The following TTYH1 variants were observed in gnomAD, a reference collection of about 807,000 sequenced individuals.
The protein encoded by TTYH1 is tweety family member 1, also known as protein tweety homolog 1.
Under a neutral mutation model 61.2 loss-of-function variants are expected in TTYH1, and 33 were observed. The ratio of observed to expected loss-of-function variants is 0.54; its 90% CI spans 0.41 to 0.72. The LOEUF (loss-of-function observed/expected upper bound fraction) is 0.72. Among genes scored for constraint, TTYH1 ranks in the 30% least tolerant of loss-of-function variants. The pLI is 0.00. For missense variants in TTYH1, 538 were observed against 575.8 expected, an observed-to-expected ratio of 0.93 and a Z score of 0.67; for synonymous variants, 308 against 266.4, an observed-to-expected ratio of 1.16 and a Z score of -1.52.
chr19:54,415,816 G>T lies in TTYH1; in HGVS notation c.126+138G>T. Reference sequence around the variant, plus strand: ...CCGGCCCGGACTTTGGGGTTTCGGAGGGAGGAGGAGCCTGGGGGCGCCCAT... The same window carrying T: ...CCGGCCCGGACTTTGGGGTTTCGGATGGAGGAGGAGCCTGGGGGCGCCCAT... On this transcript the variant is annotated intron_variant, in intron 1 of 13. Transcript: ENST00000376530. This position sits in a 1 kb window ranked among gnomAD's most constrained non-coding sequence, Gnocchi z 5.2. 1 of 1,070,124 alleles carries T rather than the reference G, an allele frequency of 9.3e-7. No individual in the cohort carries two copies. Among genetic ancestry groups the T allele is most frequent in the Non-Finnish European group, 1.3e-6 (1 of 776,600 alleles). 66.3% of individuals were successfully genotyped at this position (1,070,124 alleles called of 1,614,324 possible). A position where few individuals can be genotyped will look rare whatever the true frequency, so the allele number is the denominator to read the frequency against.
intron 1 of TTYH1, among the ~76,000 whole-genome samples, chr19:54,418,083 G>C (rs902928267): frequency 6.6e-6 from 1 of 151,984 alleles, no homozygotes; most frequent in Non-Finnish European, 1.5e-5. Flanking sequence ...CGTGGTTTAG[G>C]GGAAACAGCC....
intron 1 of TTYH1, among the ~76,000 whole-genome samples, chr19:54,417,540 A>T (rs1335589276): frequency 6.9e-6 from 1 of 145,210 alleles, no homozygotes; most frequent in African/African-American, 2.7e-5. Flanking sequence ...AATCACACAT[A>T]TGCACACGCA....
At chr19:54,430,288 G>T (rs895130412) in intron 7 of TTYH1, among the ~76,000 whole-genome samples, 1 of 152,204 alleles carries the variant, frequency 6.6e-6, no homozygotes, top group African/African-American at 2.4e-5. Flanking sequence ...GGAATGGGGA[G>T]TTTGGCCCCC....
At chr19:54,425,905 G>A (rs894201940) in intron 4 of TTYH1, among the ~76,000 whole-genome samples, 4 of 151,618 alleles carry the variant, frequency 2.6e-5, no homozygotes, top group East Asian at 1.9e-4. Context: ...TAGTAAAGAC[G>A]GGGTTTCACC....
chr19:54,435,868 C>T lies in TTYH1; in HGVS notation c.1309C>T (p.Pro437Ser). ...DDTDDDDPFN[P>S]QESKRFVQWQ... ...CACAGACGATGACGACCCTTTCAAC[C>T]CTCAGGTACTGGATGCCTGGGTCTG... The change falls in exon 12 of 14, where the codon CCT becomes TCT. Residue 437 changes from proline to serine, a missense_variant. Pro to Ser is a moderately conservative substitution (Grantham distance 74, BLOSUM62 -1). Around this residue, in one of 3 missense-constraint regions of TTYH1, gnomAD observed 378 missense variants for 401.2 expected, o/e 0.94. Coordinates refer to ENST00000376530, the MANE Select transcript of TTYH1 (RefSeq NM_020659.4). The T allele has an allele frequency of 3.1e-6, 5 of 1,611,076 alleles. No individual in the cohort carries two copies. The South Asian group carries it at 4.5e-5, about 15-fold the overall frequency.
At chr19:54,425,887 T>C (rs1267684419) in intron 4 of TTYH1, among the ~76,000 whole-genome samples, 1 of 152,050 alleles carries the variant, frequency 6.6e-6, no homozygotes, top group Non-Finnish European at 1.5e-5. Flanking sequence ...GGCTAATTGT[T>C]GTATTTTTAG....
rs556712582 is a variant in TTYH1 at position 54,434,495 on chromosome 19, C to G, written c.1126-1047C>G. 2.0e-5 allele frequency: 3 copies of G among 152,570 alleles called. No homozygotes were observed. The highest frequency in any genetic ancestry group is 7.2e-5 in the African/African-American group (3 of 41,524). The allele number at this position is 152,570 out of a possible 1,614,324, so 9.5% of individuals were successfully genotyped here. On this transcript the variant is annotated intron_variant, in intron 10 of 13. Transcript: ENST00000376530. This position sits in a 1 kb window ranked among gnomAD's most constrained non-coding sequence, Gnocchi z 4.3. The stretch of plus-strand genomic sequence containing the variant: ...CTGCTAGTGGGGTTACCCGACCTAC[C>G]CCTGCCCTGCACTGACCCCCGCCCT...
chr19:54,429,761 A>T lies in TTYH1; in HGVS notation c.808-121A>T. ...CCTGGACTCCTGAGTCTGAGGGAAG[A>T]GGGGCTGGGACCTGGACCCCTGGGT... On this transcript the variant is annotated intron_variant, in intron 6 of 13. Transcript: ENST00000376530. The surrounding 1 kb of genome is among the most constrained non-coding windows in gnomAD (Gnocchi z 5.1). 1.2e-6 allele frequency: 1 copy of T among 815,662 alleles called. No homozygotes were observed. The highest frequency in any genetic ancestry group is 2.0e-6 in the Non-Finnish European group (1 of 496,768). The allele number at this position is 815,662 out of a possible 1,614,324, so 50.5% of individuals were successfully genotyped here.
rs1243126977 is a variant in TTYH1, at chr19:54,420,135, G to C, written c.305+829G>C. Among the ~76,000 whole-genome samples the C allele has an allele frequency of 6.6e-6, 1 of 152,124 alleles. No homozygotes were observed. Among genetic ancestry groups the C allele is most frequent in the Non-Finnish European group, 1.5e-5 (1 of 68,026 alleles). ...AGCGAGCTTAGGGGGCTTCCAATGT[G>C]AACACACCAGCTACCAAGAACGAGC... is the stretch of plus-strand genomic sequence containing the variant. On this transcript the variant is annotated intron_variant, in intron 2 of 13. Coordinates refer to ENST00000376530, the MANE Select transcript of TTYH1 (RefSeq NM_020659.4). The surrounding 1 kb of genome is among the most constrained non-coding windows in gnomAD (Gnocchi z 4.8).
Position 54,429,415 on chromosome 19 carries a change from T to C in TTYH1, c.807+36T>C. On this transcript the variant is annotated intron_variant, in intron 6 of 13. Coordinates refer to ENST00000376530, the MANE Select transcript of TTYH1 (RefSeq NM_020659.4). This position sits in a 1 kb window ranked among gnomAD's most constrained non-coding sequence, Gnocchi z 5.1. The stretch of plus-strand genomic sequence containing the variant: ...GGGCCGGGCCATTGGGCTCTGGGAC[T>C]CAGGGGGCCTGGAGACTTCAACTTC... 6.3e-7 allele frequency: 1 copy of C among 1,596,012 alleles called. No individual in the cohort carries two copies. The highest frequency in any genetic ancestry group is 8.6e-7 in the Non-Finnish European group (1 of 1,165,188).
At chr19:54,433,201 A>G (rs1385848273) in intron 10 of TTYH1, 1 of 152,232 alleles carries the variant, frequency 6.6e-6, no homozygotes, top group Non-Finnish European at 1.5e-5. Flanking sequence ...CCACTGCACC[A>G]TGAGACCCTG....
Position 54,435,808 on chromosome 19 carries a change from T to C in TTYH1, c.1269-20T>C, listed in dbSNP as rs2122962803. 3.1e-6 allele frequency: 5 copies of C among 1,613,836 alleles called. No homozygotes were observed. Among genetic ancestry groups the C allele is most frequent in the Middle Eastern group, 1.7e-4 (1 of 6,058 alleles). ...GGGTCCCCATCCCGCCTCTCTGCCATGCCCCGCATCAAACCCCAGTGACGA... is the reference window on the plus strand; with the variant it reads ...GGGTCCCCATCCCGCCTCTCTGCCACGCCCCGCATCAAACCCCAGTGACGA... On this transcript the variant is annotated intron_variant, in intron 11 of 13. Transcript: ENST00000376530.
Position 54,416,177 on chromosome 19 carries a change from G to A in TTYH1, c.126+499G>A. ...GGATGGGATTGAGAGTCTGAAATGG[G>A]GAAGGGGGCTTCAGGGGCTGAGGAC... On this transcript the variant is annotated intron_variant, in intron 1 of 13. Coordinates refer to ENST00000376530, the MANE Select transcript of TTYH1 (RefSeq NM_020659.4). The surrounding 1 kb of genome is among the most constrained non-coding windows in gnomAD (Gnocchi z 7.0). The A allele has an allele frequency of 1.2e-6, 1 of 826,940 alleles. No homozygotes were observed. The highest frequency in any genetic ancestry group is 1.8e-5 in the African/African-American group (1 of 56,476). The allele number at this position is 826,940 out of a possible 1,614,324, so 51.2% of individuals were successfully genotyped here.
Position 54,416,890 on chromosome 19 carries a change from C to T in TTYH1, c.126+1212C>T. On this transcript the variant is annotated intron_variant, in intron 1 of 13. Coordinates refer to ENST00000376530, the MANE Select transcript of TTYH1 (RefSeq NM_020659.4). This position sits in a 1 kb window ranked among gnomAD's most constrained non-coding sequence, Gnocchi z 7.0. ...CTGGCCCGGAGACCTCCCGAAGCCGCACGCGGGGATCCGCGGCCCCAGTCA... is the reference window on the plus strand; with the variant it reads ...CTGGCCCGGAGACCTCCCGAAGCCGTACGCGGGGATCCGCGGCCCCAGTCA... 3 of 1,288,674 alleles carry T rather than the reference C, an allele frequency of 2.3e-6. No homozygotes were observed. The highest frequency in any genetic ancestry group is 3.0e-6 in the Non-Finnish European group (3 of 986,612). The allele number at this position is 1,288,674 out of a possible 1,614,324, so 79.8% of individuals were successfully genotyped here. A position where few individuals can be genotyped will look rare whatever the true frequency, so the allele number is the denominator to read the frequency against.
Position 54,426,682 on chromosome 19 carries a change from C to G in TTYH1, c.648C>G (p.Ala216=). The change falls in exon 5 of 14, where the codon GCC becomes GCG. Residue 216 remains alanine, a synonymous_variant. Transcript: ENST00000376530. ...CCCTCTCCCCTCCCAGGTGGCTGGC[C>G]TACGTCCTCCTGCTGCTCCTGGAGC... ...VSFVEEYRWL[A]YVLLLLLELL... 6.2e-7 allele frequency: 1 copy of G among 1,613,800 alleles called. No individual in the cohort carries two copies. Among genetic ancestry groups the G allele is most frequent in the East Asian group, 2.2e-5 (1 of 44,858 alleles).
In TTYH1 at chr19:54,422,302, G is replaced by A. The variant is rs758898025; in HGVS notation, c.530G>A (p.Arg177Gln). Residue 177 changes from arginine (R) to glutamine (Q), a missense_variant, in exon 4 of 14, where the codon CGG becomes CAG. Physicochemically the swap from Arg to Gln is conservative, Grantham distance 43 (BLOSUM62 1). Transcript: ENST00000376530. ...GTGGCTGCCGCCCGAGGGGCTCGACGGCAGGCGGAGGCTGCGGCCCAGCAG... is the reference window on the plus strand; with the variant it reads ...GTGGCTGCCGCCCGAGGGGCTCGACAGCAGGCGGAGGCTGCGGCCCAGCAG... ...ELVAAARGARRQAEAAAQQLQ... is the reference protein window; with the variant it reads ...ELVAAARGARQQAEAAAQQLQ... The A allele has an allele frequency of 6.4e-6, 10 of 1,564,156 alleles. No individual in the cohort carries two copies. The Admixed American group carries it at 9.7e-5, about 15-fold the overall frequency.
rs1037750158 is a variant in TTYH1 at position 54,415,494 on chromosome 19, C to G, written c.-59C>G. On this transcript the variant is annotated 5_prime_UTR_variant, in exon 1 of 14. Coordinates refer to ENST00000376530, the MANE Select transcript of TTYH1 (RefSeq NM_020659.4). This position sits in a 1 kb window ranked among gnomAD's most constrained non-coding sequence, Gnocchi z 5.2. ...GACCCCGCGCCGCCCGCGCCCCGCT[C>G]GACTCCGGAGGCTCCCGCAGCCCCG... The G allele has an allele frequency of 1.9e-4, 251 of 1,309,644 alleles. No individual in the cohort carries two copies. The highest frequency in any genetic ancestry group is 2.3e-4 in the Non-Finnish European group (243 of 1,036,434). 81.1% of individuals were successfully genotyped at this position (1,309,644 alleles called of 1,614,324 possible).
chr19:54,415,661 G>T lies in TTYH1; in HGVS notation c.109G>T (p.Glu37Ter). The change falls in exon 1 of 14, where the codon GAG becomes TAG. Residue 37 changes from glutamate (E) to a stop codon, truncating the protein, a stop_gained. Transcript: ENST00000376530. LOFTEE classifies it high-confidence loss of function. This position sits in a 1 kb window ranked among gnomAD's most constrained non-coding sequence, Gnocchi z 5.2. ...RPVPSVFAPQ[E>*]QEYQQALLLV... is the part of the protein sequence containing the mutation. ...GGTGCCCAGCGTTTTCGCGCCCCAA[G>T]AGCAGGAATACCAGCAGGTGGGACC... 6.4e-7 allele frequency: 1 copy of T among 1,563,992 alleles called. No homozygotes were observed.
chr19:54,418,759 G>A (rs1027798143), intron 1 of TTYH1: 1 of 193,076 alleles, frequency 5.2e-6, no homozygotes, highest in Non-Finnish European at 1.0e-5. Flanking sequence ...CGATTGTGGA[G>A]GGGCCTTGGC....
Sources: gnomAD v4.1 joint callset for allele counts (sites outside exome capture counted in the v4.1 genomes callset) on GRCh38, gnomAD v4.1.1 for gene constraint, gnomAD v4.1.1 regional missense constraint, Gnocchi (gnomAD v3.1) non-coding constraint, MANE v1.5 for transcripts, NCBI Gene and HGNC (gene_info 2026-07-23, HGNC 2026-07-21) for gene names.